The following ASIC2 variants were observed in gnomAD, a reference collection of about 807,000 sequenced individuals.
The protein encoded by ASIC2 is acid-sensing ion channel 2.
Under a neutral mutation model 57.3 loss-of-function variants are expected in ASIC2, and 25 were observed. The observed-to-expected ratio is 0.44, with a 90% confidence interval of 0.32 to 0.61. The LOEUF is 0.61. Among genes scored for constraint, ASIC2 ranks in the 20% least tolerant of loss-of-function variants. The pLI is 0.06. For synonymous variants in ASIC2, 319 were observed against 307.5 expected (o/e 1.04, Z -0.39); for missense variants, 641 against 738.1 (o/e 0.87, Z 1.52).
intron 3 of ASIC2, among the ~76,000 whole-genome samples, chr17:33,073,579 C>G (rs2092077834): frequency 6.6e-6 from 1 of 152,132 alleles, no homozygotes; most frequent in African/African-American, 2.4e-5. Context: ...TCATTGCGAC[C>G]ATCACAATGG....
chr17:33,976,391 C>T (rs11657564), intron 1 of ASIC2: 29,918 of 151,868 alleles, frequency 0.2, 3,198 homozygotes, highest in African/African-American at 0.25. Context: ...ATAACCTGCC[C>T]AGGCCTGACC....
At chr17:34,029,297 GA>G (rs1393699874) in intron 1 of ASIC2, among the ~76,000 whole-genome samples, 2 of 145,034 alleles carry the variant, frequency 1.4e-5, no homozygotes, top group Non-Finnish European at 3.0e-5. Context: ...CCAGTGTCAA[GA>G]AATGTGCCTG....
chr17:34,000,250 AT>A (rs199804905), intron 1 of ASIC2, among the ~76,000 whole-genome samples: 2,797 of 119,176 alleles, frequency 0.023, 41 homozygotes, highest in East Asian at 0.057. Context: ...GTGGAGATCT[AT>A]TTTTTTTTTT....
rs771264669 is a variant in ASIC2, at chr17:33,013,769, C to T, written c.*196G>A. The T allele has an allele frequency of 2.8e-5, 17 of 609,298 alleles. No homozygotes were observed. Among genetic ancestry groups the T allele is most frequent in the Admixed American group, 1.7e-4 (6 of 35,254 alleles). 37.7% of individuals were successfully genotyped at this position (609,298 alleles called of 1,614,324 possible). A position where few individuals can be genotyped will look rare whatever the true frequency, so the allele number is the denominator to read the frequency against. ...TGTGACTCATCTCTCCTAAGAGGGA[C>T]GCACGGCGGGGCCCAAGGATGCGTC... On this transcript the variant is annotated 3_prime_UTR_variant, in exon 10 of 10. Coordinates refer to ENST00000225823, the MANE Select transcript of ASIC2 (RefSeq NM_183377.2).
intron 1 of ASIC2, among the ~76,000 whole-genome samples, chr17:33,193,540 C>T (rs1304457206): frequency 1.3e-5 from 2 of 152,188 alleles, no homozygotes; most frequent in African/African-American, 2.4e-5. Flanking sequence ...AATCTGCACC[C>T]ACCATGCAGA....
chr17:33,281,272 A>G (rs1904936442), intron 1 of ASIC2, among the ~76,000 whole-genome samples: 1 of 152,212 alleles, frequency 6.6e-6, no homozygotes, highest in Non-Finnish European at 1.5e-5. Flanking sequence ...CTTGGCTAGA[A>G]TTGTAACAAT....
chr17:33,929,378 C>T (rs1349320655), intron 1 of ASIC2, among the ~76,000 whole-genome samples: 2 of 152,226 alleles, frequency 1.3e-5, no homozygotes, highest in African/African-American at 2.4e-5. Context: ...TTAGCTCCTG[C>T]GGAGCCTGGG....
chr17:33,170,079 C>T (rs77618918), intron 1 of ASIC2, among the ~76,000 whole-genome samples: 1,709 of 152,268 alleles, frequency 0.011, 16 homozygotes, highest in Admixed American at 0.019. Flanking sequence ...CCTGGAAACA[C>T]GCACAGTCAT....
intron 1 of ASIC2, among the ~76,000 whole-genome samples, chr17:34,144,686 G>A (rs933510559): frequency 3.3e-5 from 5 of 152,092 alleles, no homozygotes; most frequent in African/African-American, 1.2e-4. Flanking sequence ...TAAGTAATTT[G>A]TACAAGGTCA....
At chr17:34,000,328 C>T (rs28773038) in intron 1 of ASIC2, among the ~76,000 whole-genome samples, 9,002 of 150,350 alleles carry the variant, frequency 0.06, 781 homozygotes, top group African/African-American at 0.19. Context: ...CTCGGCTCAC[C>T]GCAACCTCCA....
chr17:34,126,145 A>C (rs1321235621), intron 1 of ASIC2, among the ~76,000 whole-genome samples: 1 of 152,236 alleles, frequency 6.6e-6, no homozygotes, highest in African/African-American at 2.4e-5. Flanking sequence ...TGAAGGCTCC[A>C]GGGGAAGACA....
At chr17:33,842,740 G>A (rs893134368) in intron 1 of ASIC2, among the ~76,000 whole-genome samples, 11 of 152,228 alleles carry the variant, frequency 7.2e-5, no homozygotes, top group African/African-American at 2.7e-4. Flanking sequence ...AGCACTAGCT[G>A]AGGATGAAGA....
At chr17:33,900,388 C>T (rs566939346) in intron 1 of ASIC2, among the ~76,000 whole-genome samples, 63 of 152,176 alleles carry the variant, frequency 4.1e-4, no homozygotes, top group African/African-American at 1.2e-3. Context: ...CAGTGGAGCA[C>T]GTAATTGTAA....
intron 1 of ASIC2, among the ~76,000 whole-genome samples, chr17:34,017,194 T>G (rs1907007374): frequency 6.6e-6 from 1 of 152,242 alleles, no homozygotes; most frequent in South Asian, 2.1e-4. Flanking sequence ...ATTTCAAACT[T>G]TTTCATTACC....
intron 1 of ASIC2, among the ~76,000 whole-genome samples, chr17:33,338,312 T>C (rs1907600461): frequency 6.6e-6 from 1 of 152,072 alleles, no homozygotes; most frequent in African/African-American, 2.4e-5. Context: ...AGATGTTCCT[T>C]TCCATTGGCC....
intron 1 of ASIC2, among the ~76,000 whole-genome samples, chr17:33,917,036 C>A (rs1915599121): frequency 6.6e-6 from 1 of 152,060 alleles, no homozygotes; most frequent in Non-Finnish European, 1.5e-5. Flanking sequence ...CACTACTGAC[C>A]CACACTTGCT....
At chr17:33,237,186 G>A (rs1291663522) in intron 1 of ASIC2, among the ~76,000 whole-genome samples, 1 of 152,178 alleles carries the variant, frequency 6.6e-6, no homozygotes, top group East Asian at 1.9e-4. Flanking sequence ...GCCAGAAGAA[G>A]TTATTGTTGG....
intron 1 of ASIC2, among the ~76,000 whole-genome samples, chr17:33,733,780 C>T (rs956584358): frequency 6.6e-6 from 1 of 152,196 alleles, no homozygotes; most frequent in African/African-American, 2.4e-5. Flanking sequence ...GTTACCCTCG[C>T]TCCCGTTCAG....
intron 1 of ASIC2, among the ~76,000 whole-genome samples, chr17:33,811,013 G>A (rs1179608870): frequency 6.6e-6 from 1 of 152,194 alleles, no homozygotes; most frequent in Non-Finnish European, 1.5e-5. Context: ...TCCCTTTGCA[G>A]GGTGGCTTCC....
Sources: gnomAD v4.1 joint callset for allele counts (sites outside exome capture counted in the v4.1 genomes callset) on GRCh38, gnomAD v4.1.1 for gene constraint, MANE v1.5 for transcripts, NCBI Gene and HGNC (gene_info 2026-07-23, HGNC 2026-07-21) for gene names.